Variants in SOX5 observed in about 807,000 individuals in gnomAD.
SOX5 encodes SRY-box transcription factor 5.
In SOX5, 9 loss-of-function variants were observed where a neutral mutation model predicts 92.0. The ratio of observed to expected loss-of-function variants is 0.10; its 90% CI spans 0.06 to 0.17. The LOEUF (loss-of-function observed/expected upper bound fraction) is 0.17, where lower values mean the gene tolerates loss of function less well. Among genes scored for constraint, SOX5 ranks in the 10% least tolerant of loss-of-function variants. The pLI, the probability that SOX5 is intolerant of heterozygous loss-of-function variation, is 1.00. For missense variants in SOX5, 642 were observed against 944.5 expected (o/e 0.68, Z 4.20); for synonymous variants, 344 against 336.3 (o/e 1.02, Z -0.25).
chr12:24,287,404 C>T (rs1946010629), intron 2 of SOX5, among the ~76,000 whole-genome samples: 3 of 152,054 alleles, frequency 2.0e-5, no homozygotes, highest in Non-Finnish European at 4.4e-5. Context: ...ACAGAGGAAA[C>T]ATGAACAAAG....
intron 4 of SOX5, among the ~76,000 whole-genome samples, chr12:24,105,721 A>C (rs1344702248): frequency 1.3e-5 from 2 of 152,206 alleles, no homozygotes; most frequent in African/African-American, 4.8e-5. Flanking sequence ...ATATCACCTC[A>C]ACTCTAAAGT....
intron 1 of SOX5, among the ~76,000 whole-genome samples, chr12:23,937,445 G>C (rs1942818862): frequency 6.6e-6 from 1 of 150,900 alleles, no homozygotes; most frequent in African/African-American, 2.4e-5. Flanking sequence ...TGATGAAACA[G>C]TACTGCTCTG....
chr12:24,326,930 T>C (rs1239383759), intron 2 of SOX5, among the ~76,000 whole-genome samples: 1 of 152,120 alleles, frequency 6.6e-6, no homozygotes, highest in South Asian at 2.1e-4. Flanking sequence ...TCTTCCCCTC[T>C]TAGAGTTTAA....
chr12:23,640,499 T>A (rs1004798340), intron 8 of SOX5, among the ~76,000 whole-genome samples: 1 of 152,190 alleles, frequency 6.6e-6, no homozygotes, highest in Non-Finnish European at 1.5e-5. Flanking sequence ...GGGTTTTTTG[T>A]TCTTTTTACC....
At chr12:24,356,651 C>T (rs1174508912) in intron 2 of SOX5, among the ~76,000 whole-genome samples, 1 of 152,176 alleles carries the variant, frequency 6.6e-6, no homozygotes, top group African/African-American at 2.4e-5. Flanking sequence ...ACAGGCCTCT[C>T]AGTCTCAGCG....
chr12:23,993,495 C>T (rs1408752220), intron 4 of SOX5, among the ~76,000 whole-genome samples: 1 of 152,112 alleles, frequency 6.6e-6, no homozygotes, highest in Admixed American at 6.6e-5. Flanking sequence ...TCAAAACTGT[C>T]ATCATGACTT....
chr12:24,093,691 CTTTTT>C (rs199818216), intron 4 of SOX5, among the ~76,000 whole-genome samples: 2 of 140,174 alleles, frequency 1.4e-5, no homozygotes, highest in Admixed American at 7.1e-5. Context: ...TTTGGTTGTC[CTTTTT>C]TTTTTTTTTT....
At chr12:24,330,362 G>C (rs1662422517) in intron 2 of SOX5, among the ~76,000 whole-genome samples, 1 of 152,138 alleles carries the variant, frequency 6.6e-6, no homozygotes, top group Non-Finnish European at 1.5e-5. Flanking sequence ...GAAAAAAAGG[G>C]GGAAAAGCTC....
At chr12:24,348,571 C>A (rs1026448477) in intron 2 of SOX5, among the ~76,000 whole-genome samples, 1 of 151,866 alleles carries the variant, frequency 6.6e-6, no homozygotes, top group South Asian at 2.1e-4. Context: ...TTAGTAGAGG[C>A]GGTGTTTCAC....
At chr12:24,537,222 TATTCTG>T (rs1270478119) in intron 1 of SOX5, among the ~76,000 whole-genome samples, 1 of 152,218 alleles carries the variant, frequency 6.6e-6, no homozygotes, top group East Asian at 1.9e-4. Flanking sequence ...GTAACAGAAT[TATTCTG>T]CAACTGGTAA....
chr12:24,164,215 C>T (rs7299813), intron 4 of SOX5, among the ~76,000 whole-genome samples: 135,882 of 152,050 alleles, frequency 0.89, 60,878 homozygotes, highest in East Asian at 0.99. Flanking sequence ...TGTTATGAGA[C>T]AGAAGTAAAA....
At chr12:24,495,755 A>G (rs1203261482) in intron 1 of SOX5, among the ~76,000 whole-genome samples, 2 of 152,234 alleles carry the variant, frequency 1.3e-5, no homozygotes, top group Non-Finnish European at 2.9e-5. Flanking sequence ...TTAACTAATG[A>G]AACAAGAGAA....
intron 4 of SOX5, among the ~76,000 whole-genome samples, chr12:24,100,633 T>G (rs574635992): frequency 6.6e-6 from 1 of 152,218 alleles, no homozygotes; most frequent in African/African-American, 2.4e-5. Context: ...ATGAACAAAT[T>G]TATGTCTCTA....
At chr12:24,392,414 T>C (rs1007358437) in intron 1 of SOX5, among the ~76,000 whole-genome samples, 31 of 152,160 alleles carry the variant, frequency 2.0e-4, no homozygotes, top group Non-Finnish European at 3.4e-4. Context: ...TTTTAACTAC[T>C]CTAGCTTTCT....
At chr12:24,017,157 T>C (rs1953725890) in intron 4 of SOX5, among the ~76,000 whole-genome samples, 2 of 152,210 alleles carry the variant, frequency 1.3e-5, no homozygotes. Context: ...TAAAATTGTT[T>C]GAGGAATTAT....
chr12:24,251,823 C>G (rs1940128308), intron 3 of SOX5, among the ~76,000 whole-genome samples: 1 of 152,060 alleles, frequency 6.6e-6, no homozygotes, highest in Non-Finnish European at 1.5e-5. Context: ...CTGCCCACCT[C>G]AGCCTCCCAA....
At chr12:23,877,560 A>T (rs1372953639) in intron 2 of SOX5, among the ~76,000 whole-genome samples, 1 of 152,104 alleles carries the variant, frequency 6.6e-6, no homozygotes, top group African/African-American at 2.4e-5. Flanking sequence ...ACTTCCTGGT[A>T]ATTTATTTAA....
At chr12:24,351,582 A>T (rs1954090051) in intron 2 of SOX5, among the ~76,000 whole-genome samples, 1 of 152,222 alleles carries the variant, frequency 6.6e-6, no homozygotes, top group South Asian at 2.1e-4. Flanking sequence ...CTCTATACTT[A>T]AAGTATCATT....
chr12:23,871,635 C>CT (rs1053245422), intron 2 of SOX5, among the ~76,000 whole-genome samples: 7 of 152,000 alleles, frequency 4.6e-5, no homozygotes, highest in Admixed American at 1.3e-4. Context: ...CTTGTAAACT[C>CT]TTTTTTCCGT....
Sources: gnomAD v4.1 joint callset for allele counts (sites outside exome capture counted in the v4.1 genomes callset) on GRCh38, gnomAD v4.1.1 for gene constraint, MANE v1.5 for transcripts, NCBI Gene and HGNC (gene_info 2026-07-23, HGNC 2026-07-21) for gene names.